The following PAK5 variants were observed in gnomAD, a reference collection of about 807,000 sequenced individuals.
PAK5 encodes the protein serine/threonine-protein kinase PAK 5.
PAK5 carries 16 observed loss-of-function variants against 65.9 expected under a neutral mutation model. The observed-to-expected ratio is 0.24, with a 90% CI of 0.16 to 0.37. PAK5 has a LOEUF of 0.37. Among genes scored for constraint, PAK5 ranks in the 10% least tolerant of loss-of-function variants. PAK5 has a pLI of 1.00. For synonymous variants in PAK5, 371 were observed against 354.9 expected (o/e 1.05, Z -0.51); for missense variants, 785 against 903.9 (o/e 0.87, Z 1.69).
chr20:9,745,283 T>C (rs1330011999), intron 1 of PAK5, among the ~76,000 whole-genome samples: 1 of 151,504 alleles, frequency 6.6e-6, no homozygotes, highest in Non-Finnish European at 1.5e-5. Context: ...TTTAATGTCA[T>C]TTTTGCTGTG....
intron 1 of PAK5, among the ~76,000 whole-genome samples, chr20:9,803,640 T>C (rs2049198342): frequency 6.6e-6 from 1 of 152,154 alleles, no homozygotes; most frequent in Admixed American, 6.6e-5. Context: ...TCTAAACCAA[T>C]TTTTAGGCAA....
intron 1 of PAK5, among the ~76,000 whole-genome samples, chr20:9,817,676 T>C (rs2049373535): frequency 6.6e-6 from 1 of 152,200 alleles, no homozygotes. Context: ...TTTTTAATGC[T>C]TAGGAAATCA....
chr20:9,578,629 A>G (rs974727218), intron 4 of PAK5, among the ~76,000 whole-genome samples: 3 of 152,364 alleles, frequency 2.0e-5, no homozygotes. Context: ...ATGTAACTCA[A>G]TTCAGCTATA....
intron 1 of PAK5, among the ~76,000 whole-genome samples, chr20:9,778,957 T>C (rs2048914190): frequency 6.6e-6 from 1 of 152,170 alleles, no homozygotes; most frequent in African/African-American, 2.4e-5. Flanking sequence ...TTCTGGCCTT[T>C]GGGATAGTTA....
intron 3 of PAK5, among the ~76,000 whole-genome samples, chr20:9,607,557 C>A (rs565105806): frequency 6.6e-6 from 1 of 152,040 alleles, no homozygotes; most frequent in African/African-American, 2.4e-5. Context: ...GCAGGCATGG[C>A]GGCTCACACC....
At chr20:9,729,406 A>C (rs2048311162) in intron 1 of PAK5, among the ~76,000 whole-genome samples, 2 of 152,180 alleles carry the variant, frequency 1.3e-5, no homozygotes. Flanking sequence ...ACCTTTGATT[A>C]ATGTGTATGA....
chr20:9,779,453 T>C (rs6056866), intron 1 of PAK5, among the ~76,000 whole-genome samples: 53,697 of 150,676 alleles, frequency 0.36, 10,062 homozygotes, highest in African/African-American at 0.47. Flanking sequence ...TATCGTTCTT[T>C]TTTTCACATT....
rs77352747 is a variant in PAK5 at position 9,779,754 on chromosome 20, A to C, written c.-162+59008T>G. On this transcript the variant is annotated intron_variant, in intron 1 of 9. Transcript: ENST00000353224. ...TATTACAACTCAACTTAAAACACTT[A>C]ATAGCATTGTTAGTAGAAGATTTTC... 9.2e-3 allele frequency among the ~76,000 whole-genome samples: 1,404 copies of C among 152,128 alleles called. 66 individuals carry two copies. Among genetic ancestry groups the C allele is most frequent in the Admixed American group, 0.079 (1,210 of 15,266 alleles).
chr20:9,712,490 A>T (rs1480236485), intron 1 of PAK5, among the ~76,000 whole-genome samples: 1 of 152,172 alleles, frequency 6.6e-6, no homozygotes, highest in Non-Finnish European at 1.5e-5. Flanking sequence ...AATATTAATA[A>T]CATTCTTTGC....
chr20:9,590,267 G>A (rs1382189978), intron 3 of PAK5, among the ~76,000 whole-genome samples: 2 of 152,144 alleles, frequency 1.3e-5, no homozygotes, highest in African/African-American at 4.8e-5. Flanking sequence ...ACCAGGACTG[G>A]CCAAGAATTG....
At chr20:9,622,595 C>A (rs139729466) in intron 3 of PAK5, among the ~76,000 whole-genome samples, 1 of 152,204 alleles carries the variant, frequency 6.6e-6, no homozygotes, top group Non-Finnish European at 1.5e-5. Context: ...GGGAGCACAG[C>A]AGGAGGTGAG....
Position 9,539,558 on chromosome 20 carries a change from T to C in PAK5, c.2064A>G (p.Arg688=). 1 of 1,613,758 alleles carries C rather than the reference T, an allele frequency of 6.2e-7. No individual in the cohort carries two copies. Among genetic ancestry groups the C allele is most frequent in the Non-Finnish European group, 8.5e-7 (1 of 1,179,922 alleles). ...GTCCGAGGAGTTCCTGGGCTGTTGC[T>C]CTCTGAGAGGGCTCCCTCACCAACA... ...DLMLVREPSQ[R]ATAQELLGHP... Residue 688 remains arginine, a synonymous_variant, in exon 10 of 10, where the codon AGA becomes AGG. Transcript: ENST00000353224.
At chr20:9,790,725 C>T (rs1478652927) in intron 1 of PAK5, among the ~76,000 whole-genome samples, 1 of 152,100 alleles carries the variant, frequency 6.6e-6, no homozygotes, top group Non-Finnish European at 1.5e-5. Flanking sequence ...TATCAAACTT[C>T]TGGCCTCAAG....
chr20:9,668,978 C>A (rs2047456799), intron 2 of PAK5, among the ~76,000 whole-genome samples: 1 of 152,140 alleles, frequency 6.6e-6, no homozygotes, highest in South Asian at 2.1e-4. Flanking sequence ...CTTGGATCCA[C>A]AGGATCATAA....
chr20:9,826,543 C>T (rs557167908), intron 1 of PAK5, among the ~76,000 whole-genome samples: 1 of 152,268 alleles, frequency 6.6e-6, no homozygotes, highest in Non-Finnish European at 1.5e-5. Context: ...CCATATATTG[C>T]TTTAAAAAAT....
intron 2 of PAK5, among the ~76,000 whole-genome samples, chr20:9,680,017 G>T (rs2047628316): frequency 6.6e-6 from 1 of 152,186 alleles, no homozygotes; most frequent in African/African-American, 2.4e-5. Context: ...TAAGAGTTCA[G>T]ATTTGTTTCT....
intron 3 of PAK5, among the ~76,000 whole-genome samples, chr20:9,638,845 A>T (rs1303582116): frequency 1.1e-4 from 17 of 152,202 alleles, no homozygotes; most frequent in Admixed American, 1.1e-3. Context: ...ACTCGGAACT[A>T]GCTTGGCAAA....
At chr20:9,685,617 C>T (rs1278191984) in intron 2 of PAK5, among the ~76,000 whole-genome samples, 1 of 152,146 alleles carries the variant, frequency 6.6e-6, no homozygotes, top group Non-Finnish European at 1.5e-5. Flanking sequence ...AACTTGGAAA[C>T]AATAAATTTC....
intron 4 of PAK5, chr20:9,575,885 C>G (rs538144992): frequency 1.3e-5 from 2 of 152,182 alleles, no homozygotes; most frequent in Non-Finnish European, 2.9e-5. Context: ...AATCCTGACT[C>G]AGTTATTTGC....
Sources: allele counts gnomAD v4.1 joint callset (sites outside exome capture counted in the v4.1 genomes callset), GRCh38; gene constraint gnomAD v4.1.1; transcripts MANE v1.5; gene names NCBI Gene and HGNC (gene_info 2026-07-23, HGNC 2026-07-21).